CNTLN: variants seen among roughly 807,000 people sequenced by gnomAD.
CNTLN encodes the protein centlein, centrosomal protein.
A neutral mutation model predicts 180.0 loss-of-function variants in CNTLN; 212 were observed. The ratio of observed to expected loss-of-function variants is 1.18; its 90% CI spans 1.05 to 1.32. The LOEUF (loss-of-function observed/expected upper bound fraction) is 1.32, where lower values mean the gene tolerates loss of function less well. Among genes scored for constraint, CNTLN ranks in the 40% most tolerant of loss-of-function variants. The pLI is 0.00. For missense variants in CNTLN, 2,095 were observed against 1,610.9 expected, an observed-to-expected ratio of 1.30 and a Z score of -5.14; for synonymous variants, 722 against 563.1, an observed-to-expected ratio of 1.28 and a Z score of -3.99.
chr9:17,313,311 A>T (rs909767959), intron 8 of CNTLN, among the ~76,000 whole-genome samples: 3 of 152,140 alleles, frequency 2.0e-5, no homozygotes, highest in African/African-American at 7.2e-5. Context: ...CATAATTATA[A>T]TATGATTGGG....
At chr9:17,369,202 C>T (rs917859474) in intron 13 of CNTLN, among the ~76,000 whole-genome samples, 1 of 152,056 alleles carries the variant, frequency 6.6e-6, no homozygotes, top group Non-Finnish European at 1.5e-5. Context: ...GCTTTTTCCC[C>T]GTTCGCTTGG....
intron 23 of CNTLN, among the ~76,000 whole-genome samples, chr9:17,477,598 A>G (rs1393685104): frequency 6.6e-6 from 1 of 152,208 alleles, no homozygotes; most frequent in Non-Finnish European, 1.5e-5. Flanking sequence ...ACATTAGTGG[A>G]GGAAGAAACT....
chr9:17,506,715 G>A (rs1255915108), downstream of CNTLN, among the ~76,000 whole-genome samples: 1 of 113,486 alleles, frequency 8.8e-6, no homozygotes, highest in Non-Finnish European at 1.8e-5. Context: ...CTTACTTAAT[G>A]TTCTCAAATA....
chr9:17,406,948 C>T (rs1827439357), intron 15 of CNTLN, among the ~76,000 whole-genome samples: 2 of 148,644 alleles, frequency 1.3e-5, no homozygotes, highest in African/African-American at 5.2e-5. Flanking sequence ...CTTTTTATGA[C>T]ACTTTTCATA....
At chr9:17,295,991 AGAGAGAGTGT>A (rs1158802636) in intron 6 of CNTLN, among the ~76,000 whole-genome samples, 25 of 76,664 alleles carry the variant, frequency 3.3e-4, no homozygotes, top group South Asian at 2.4e-3. Context: ...AGAGAGAGAG[AGAGAGAGTGT>A]GTGTGTGTGT....
At chr9:17,296,622 A>G (rs1817958729) in intron 6 of CNTLN, among the ~76,000 whole-genome samples, 1 of 152,034 alleles carries the variant, frequency 6.6e-6, no homozygotes, top group South Asian at 2.1e-4. Context: ...ATTAGTGAAA[A>G]ATGGCAGTAA....
Position 17,427,584 on chromosome 9 carries a change from A to T in CNTLN, c.3114+11395A>T, listed in dbSNP as rs916119663. 3.3e-5 allele frequency among the ~76,000 whole-genome samples: 5 copies of T among 152,168 alleles called. No individual in the cohort carries two copies. The East Asian group carries it at 9.6e-4, about 29-fold the overall frequency. On this transcript the variant is annotated intron_variant, in intron 18 of 25. Transcript: ENST00000380647. ...TTATTTACTAGAAGAACAAAGACAA[A>T]TCATACTAATACATATAGGCATGAC...
chr9:17,463,269 T>C (rs1431710954), intron 20 of CNTLN, among the ~76,000 whole-genome samples: 2 of 151,670 alleles, frequency 1.3e-5, no homozygotes, highest in Non-Finnish European at 3.0e-5. Flanking sequence ...TACAAATTAA[T>C]GGCTTCGAGA....
At chr9:17,527,805 G>T in the CNTLN span, among the ~76,000 whole-genome samples, 8 of 152,194 alleles carry the variant, frequency 5.3e-5, no homozygotes, top group African/African-American at 1.9e-4. Flanking sequence ...GGAGTGTTGT[G>T]TAGTGCCAGA....
intron 2 of CNTLN, among the ~76,000 whole-genome samples, chr9:17,203,056 G>A (rs550287544): frequency 1.5e-5 from 2 of 131,332 alleles, no homozygotes; most frequent in African/African-American, 6.9e-5. Context: ...CTCAGCATTT[G>A]CCTGGTCTGG....
chr9:17,414,487 T>C (rs1239072304), intron 16 of CNTLN, among the ~76,000 whole-genome samples: 1 of 152,192 alleles, frequency 6.6e-6, no homozygotes, highest in African/African-American at 2.4e-5. Context: ...GCTCAGTGCG[T>C]GGCTGATACT....
intron 6 of CNTLN, among the ~76,000 whole-genome samples, chr9:17,276,165 G>A (rs1010131834): frequency 6.6e-6 from 1 of 152,188 alleles, no homozygotes; most frequent in East Asian, 1.9e-4. Flanking sequence ...AGGACTCACA[G>A]AGGAGAAGAA....
At chr9:17,492,014 TACTC>T (rs978815468) in intron 25 of CNTLN, among the ~76,000 whole-genome samples, 1 of 152,066 alleles carries the variant, frequency 6.6e-6, no homozygotes, top group African/African-American at 2.4e-5. Context: ...GAAACTGACA[TACTC>T]ACTCACTCAC....
At chr9:17,472,335 A>G (rs1359267418) in intron 23 of CNTLN, among the ~76,000 whole-genome samples, 1 of 152,100 alleles carries the variant, frequency 6.6e-6, no homozygotes, top group Non-Finnish European at 1.5e-5. Flanking sequence ...CAATTGGAAC[A>G]TATTAGAGTC....
chr9:17,273,829 G>T lies in CNTLN; in HGVS notation c.946G>T (p.Glu316Ter). 1 of 1,571,804 alleles carries T rather than the reference G, an allele frequency of 6.4e-7. No homozygotes were observed. Among genetic ancestry groups the T allele is most frequent in the South Asian group, 1.2e-5 (1 of 83,558 alleles). The part of the protein sequence containing the change: ...LSLQLSNKQT[E>*]LIQKDMDITL... ...ATTACAGTTGAGTAATAAACAGACTGAACTTATCCAGAAGGATATGGATAT... is the reference window on the plus strand; with the variant it reads ...ATTACAGTTGAGTAATAAACAGACTTAACTTATCCAGAAGGATATGGATAT... The change falls in exon 6 of 26, where the codon GAA (glutamate) becomes TAA (stop). Residue 316 changes from glutamate to a stop codon, truncating the protein, a stop_gained. Coordinates refer to ENST00000380647, the MANE Select transcript of CNTLN (RefSeq NM_017738.4). LOFTEE classifies it high-confidence loss of function.
At chr9:17,355,661 G>A (rs926258703) in intron 12 of CNTLN, among the ~76,000 whole-genome samples, 1 of 152,152 alleles carries the variant, frequency 6.6e-6, no homozygotes, top group African/African-American at 2.4e-5. Flanking sequence ...TTGATACTCA[G>A]TTATCCCAAA....
At chr9:17,439,712 G>C (rs2134032130) in intron 18 of CNTLN, among the ~76,000 whole-genome samples, 1 of 152,298 alleles carries the variant, frequency 6.6e-6, no homozygotes, top group East Asian at 1.9e-4. Context: ...CCCCCAATGT[G>C]ATCATTTCAA....
intron 7 of CNTLN, 47 bp from the exon 8 acceptor site, chr9:17,309,011 T>C: frequency 7.8e-7 from 1 of 1,283,384 alleles, no homozygotes; most frequent in South Asian, 1.6e-5. Flanking sequence ...CACAGACACA[T>C]AGTTTTATTG....
intron 2 of CNTLN, among the ~76,000 whole-genome samples, chr9:17,179,844 T>C (rs960874584): frequency 5.4e-5 from 6 of 110,480 alleles, no homozygotes; most frequent in African/African-American, 1.6e-4. Context: ...TATTTTGAGC[T>C]CTAAAGTCTA....
Sources: allele counts gnomAD v4.1 joint callset (sites outside exome capture counted in the v4.1 genomes callset), GRCh38; gene constraint gnomAD v4.1.1; transcripts MANE v1.5; gene names NCBI Gene and HGNC (gene_info 2026-07-23, HGNC 2026-07-21).